The following RANBP17 variants were observed in gnomAD, a reference collection of about 807,000 sequenced individuals.
RANBP17 encodes the protein ran-binding protein 17.
In RANBP17, 158 loss-of-function variants were observed where a neutral mutation model predicts 141.2. The ratio of observed to expected loss-of-function variants is 1.12; its 90% CI spans 0.98 to 1.28. RANBP17 has a LOEUF of 1.28. RANBP17 is among the 50% of genes most tolerant of loss of function. RANBP17 has a pLI of 0.00. For missense variants in RANBP17, 1,438 were observed against 1,290.7 expected, an observed-to-expected ratio of 1.11 and a Z score of -1.75; for synonymous variants, 430 against 450.0, an observed-to-expected ratio of 0.96 and a Z score of 0.56.
intron 22 of RANBP17, among the ~76,000 whole-genome samples, chr5:171,239,518 A>C (rs1375842324): frequency 1.3e-5 from 2 of 152,188 alleles, no homozygotes; most frequent in East Asian, 3.8e-4. Flanking sequence ...TCTTAGGCAA[A>C]GATGGGGAAA....
At chr5:171,213,328 C>T (rs1263368214) in intron 20 of RANBP17, among the ~76,000 whole-genome samples, 1 of 152,084 alleles carries the variant, frequency 6.6e-6, no homozygotes, top group African/African-American at 2.4e-5. Flanking sequence ...AAATGTACTG[C>T]TTATATGATA....
chr5:170,981,951 A>G (rs559234791), intron 14 of RANBP17, among the ~76,000 whole-genome samples: 1 of 152,318 alleles, frequency 6.6e-6, no homozygotes, highest in African/African-American at 2.4e-5. Context: ...TGATTTAATT[A>G]GGATTAATTA....
chr5:170,896,613 T>A (rs1336692609), intron 5 of RANBP17, among the ~76,000 whole-genome samples: 1 of 152,146 alleles, frequency 6.6e-6, no homozygotes, highest in African/African-American at 2.4e-5. Context: ...GGGGATCACC[T>A]GAGGTCAGGA....
At position 171,147,704 on chromosome 5, in the gene RANBP17, G is replaced by A. The variant is rs143375563; in HGVS notation, c.1711-22426G>A. Among the ~76,000 whole-genome samples the A allele has an allele frequency of 1.2e-4, 19 of 152,164 alleles. No individual in the cohort carries two copies. In the East Asian group the frequency reaches 1.7e-3, roughly 14 times the overall value. On this transcript the variant is annotated intron_variant, in intron 14 of 27. Coordinates refer to ENST00000523189, the MANE Select transcript of RANBP17 (RefSeq NM_022897.5). ...ACTGAGATTACAGGCATGAGCCACCGCACCTGGCCATAATCATCTTTTCTA... is the reference window on the plus strand; with the variant it reads ...ACTGAGATTACAGGCATGAGCCACCACACCTGGCCATAATCATCTTTTCTA...
chr5:171,097,437 A>G (rs917870005), intron 14 of RANBP17, among the ~76,000 whole-genome samples: 3 of 151,980 alleles, frequency 2.0e-5, no homozygotes, highest in African/African-American at 7.2e-5. Flanking sequence ...AATCTCTCTA[A>G]TTAACTGTAC....
chr5:171,202,082 C>T (rs1762328810), intron 19 of RANBP17, among the ~76,000 whole-genome samples: 1 of 152,136 alleles, frequency 6.6e-6, no homozygotes, highest in Non-Finnish European at 1.5e-5. Context: ...TAAACTTAAA[C>T]ATTAAGGACC....
rs144425193 is a variant in RANBP17 at position 171,209,216 on chromosome 5, T to C, written c.2231+3604T>C. ...AATAGGAAGAAATACAGGTTTTCGG[T>C]TGGCCTAGGCATCAGGTTTAGGGAG... On this transcript the variant is annotated intron_variant, in intron 20 of 27. Transcript: ENST00000523189. 2.3e-3 allele frequency among the ~76,000 whole-genome samples: 347 copies of C among 152,274 alleles called. 8 individuals are homozygous for C. The East Asian group carries it at 0.053, about 23-fold the overall frequency.
chr5:171,030,418 T>C (rs1246513589), intron 14 of RANBP17, among the ~76,000 whole-genome samples: 1 of 151,986 alleles, frequency 6.6e-6, no homozygotes, highest in Non-Finnish European at 1.5e-5. Flanking sequence ...TGTTTCTATC[T>C]CGTTATGTTT....
rs1764723524 is a variant in RANBP17 at position 171,239,311 on chromosome 5, G to C, written c.2423-1617G>C. On this transcript the variant is annotated intron_variant, in intron 22 of 27. Transcript: ENST00000523189. ...CACATACATGGAACAGATCAAGGCA[G>C]ATCAAGAAGAGGGAACCTTTACCCT... Among the ~76,000 whole-genome samples the C allele has an allele frequency of 4.6e-5, 7 of 152,274 alleles. No homozygotes were observed. The South Asian group carries it at 1.5e-3, about 32-fold the overall frequency.
intron 14 of RANBP17, among the ~76,000 whole-genome samples, chr5:171,062,805 C>T (rs527398187): frequency 2.1e-4 from 32 of 152,298 alleles, no homozygotes; most frequent in African/African-American, 6.3e-4. Flanking sequence ...ACCAATCAGA[C>T]GTAGATTTGG....
At chr5:171,071,127 A>T (rs1355406982) in intron 14 of RANBP17, among the ~76,000 whole-genome samples, 3 of 152,162 alleles carry the variant, frequency 2.0e-5, no homozygotes, top group Non-Finnish European at 4.4e-5. Context: ...CCAGCAAAAC[A>T]TACAGTTCAT....
chr5:171,229,499 A>G (rs1051333941), intron 22 of RANBP17, among the ~76,000 whole-genome samples: 4 of 151,862 alleles, frequency 2.6e-5, no homozygotes, highest in Admixed American at 6.6e-5. Context: ...GGTTCAAGCA[A>G]TTCTCCTGCC....
chr5:171,174,792 GTA>G (rs1554110497), intron 16 of RANBP17, among the ~76,000 whole-genome samples: 1 of 148,300 alleles, frequency 6.7e-6, no homozygotes, highest in African/African-American at 2.5e-5. Flanking sequence ...GTGTGTGTGT[GTA>G]TTTTGAGGTC....
intron 22 of RANBP17, among the ~76,000 whole-genome samples, chr5:171,227,027 C>G (rs1763921337): frequency 6.6e-6 from 1 of 152,170 alleles, no homozygotes; most frequent in Non-Finnish European, 1.5e-5. Flanking sequence ...CTTCCCTTCT[C>G]CTCCCCACTC....
intron 24 of RANBP17, among the ~76,000 whole-genome samples, chr5:171,245,692 C>T (rs150200408): frequency 1.4e-4 from 21 of 152,194 alleles, no homozygotes; most frequent in African/African-American, 5.1e-4. Context: ...CATTTGAGAT[C>T]GGATGGCAAC....
intron 25 of RANBP17, among the ~76,000 whole-genome samples, chr5:171,275,460 G>A (rs1767426327): frequency 6.6e-6 from 1 of 152,084 alleles, no homozygotes; most frequent in Non-Finnish European, 1.5e-5. Flanking sequence ...ATAATTAAGA[G>A]TATTGGAGCT....
chr5:171,179,266 G>T (rs1050727095), intron 16 of RANBP17, among the ~76,000 whole-genome samples: 1 of 151,880 alleles, frequency 6.6e-6, no homozygotes, highest in African/African-American at 2.4e-5. Context: ...TATAGTTTTT[G>T]GCCTATATAG....
At chr5:171,193,430 G>A (rs1761777175) in intron 18 of RANBP17, among the ~76,000 whole-genome samples, 1 of 151,814 alleles carries the variant, frequency 6.6e-6, no homozygotes, top group Non-Finnish European at 1.5e-5. Context: ...TTGTATTTCA[G>A]ATGAAAATGG....
chr5:170,934,973 G>T (rs1265860470), intron 12 of RANBP17, among the ~76,000 whole-genome samples: 1 of 152,102 alleles, frequency 6.6e-6, no homozygotes, highest in Non-Finnish European at 1.5e-5. Flanking sequence ...TTTTCATGTA[G>T]TCCCATATTT....
Sources: allele counts gnomAD v4.1 joint callset (sites outside exome capture counted in the v4.1 genomes callset), GRCh38; gene constraint gnomAD v4.1.1; transcripts MANE v1.5; gene names NCBI Gene and HGNC (gene_info 2026-07-23, HGNC 2026-07-21).